The following PCDHGA2 variants were observed in gnomAD, a reference collection of about 807,000 sequenced individuals.
The protein encoded by PCDHGA2 is protocadherin gamma-A2.
A neutral mutation model predicts 59.2 loss-of-function variants in PCDHGA2; 40 were observed. That is an observed-to-expected ratio of 0.68 (90% CI 0.52 to 0.88). The LOEUF (loss-of-function observed/expected upper bound fraction) is 0.88. PCDHGA2 is among the 40% of genes least tolerant of loss of function. PCDHGA2 has a pLI of 0.00. For missense variants in PCDHGA2, 1,226 were observed against 1,204.0 expected (o/e 1.02, Z -0.27); for synonymous variants, 560 against 526.0 (o/e 1.06, Z -0.89).
Position 141,345,366 on chromosome 5 carries a change from A to G in PCDHGA2, c.2424+3971A>G, listed in dbSNP as rs771633069. The G allele has an allele frequency of 4.3e-6, 7 of 1,614,130 alleles. No individual in the cohort carries two copies. The East Asian group carries it at 1.6e-4, about 36-fold the overall frequency. On this transcript the variant is annotated intron_variant, in intron 1 of 3. Transcript: ENST00000394576. ...TCACATCACCCTGCATGTGATTGAC[A>G]TCAATGACAACCCACCCACCTTCCC...
chr5:141,413,517 G>A (rs1561743187), intron 1 of PCDHGA2: 1 of 1,613,946 alleles, frequency 6.2e-7, no homozygotes. Flanking sequence ...ATATCCTTGT[G>A]GAAGACAGGG....
At chr5:141,379,328 C>T (rs1775531814) in intron 1 of PCDHGA2, 1 of 152,184 alleles carries the variant, frequency 6.6e-6, no homozygotes, top group African/African-American at 2.4e-5. Flanking sequence ...TAATCATACA[C>T]ATCTTCAAAG....
At chr5:141,362,128 G>A (rs1359609195) in intron 1 of PCDHGA2, 1 of 1,613,900 alleles carries the variant, frequency 6.2e-7, no homozygotes, top group African/African-American at 1.3e-5. Context: ...CCTAATCTTC[G>A]CGGATAGCCT....
chr5:141,398,408 A>G (rs2093653088), intron 1 of PCDHGA2: 1 of 1,473,232 alleles, frequency 6.8e-7, no homozygotes, highest in African/African-American at 1.4e-5. Flanking sequence ...GACAGGGAGG[A>G]GATATGCGGG....
chr5:141,375,059 G>A lies in PCDHGA2; in HGVS notation c.2424+33664G>A. On this transcript the variant is annotated intron_variant, in intron 1 of 3. Transcript: ENST00000394576. ...GGGTGTTGAAGCCCGGGATGGGCCA[G>A]GTCTTCGAGACAGAGCGAAAGTCTT... The A allele has an allele frequency of 2.5e-6, 4 of 1,614,038 alleles. No individual in the cohort carries two copies. The Admixed American group carries it at 6.7e-5, about 27-fold the overall frequency.
At chr5:141,362,053 C>T in intron 1 of PCDHGA2, 4 of 1,611,724 alleles carry the variant, frequency 2.5e-6, no homozygotes, top group Non-Finnish European at 3.4e-6. Flanking sequence ...CGCGGCCCGC[C>T]AGCGCCTGCT....
intron 1 of PCDHGA2, chr5:141,423,721 T>C (rs2096769391): frequency 8.3e-7 from 1 of 1,208,140 alleles, no homozygotes; most frequent in East Asian, 3.8e-5. Flanking sequence ...TTTAAGGAGA[T>C]GTTTTTTGAG....
intron 1 of PCDHGA2, chr5:141,426,750 G>A (rs1287163824): frequency 2.2e-6 from 1 of 456,160 alleles, no homozygotes; most frequent in Non-Finnish European, 4.4e-6. Context: ...CCTGGAATCT[G>A]CTATAGATGC....
intron 1 of PCDHGA2, chr5:141,346,398 G>T: frequency 6.2e-7 from 1 of 1,614,242 alleles, no homozygotes; most frequent in Non-Finnish European, 8.5e-7. Flanking sequence ...TGAGAAAAGC[G>T]AGCCTCTTCT....
chr5:141,371,753 C>G, intron 1 of PCDHGA2: 1 of 1,614,050 alleles, frequency 6.2e-7, no homozygotes, highest in Non-Finnish European at 8.5e-7. Context: ...CCGTTTTCCA[C>G]CAGGCCTCCT....
At chr5:141,345,392 T>C in intron 1 of PCDHGA2, 2 of 1,614,008 alleles carry the variant, frequency 1.2e-6, no homozygotes, top group Non-Finnish European at 1.7e-6. Context: ...CCACCTTCCC[T>C]CATTTATCCT....
At chr5:141,382,873 C>G (rs1338163064) in intron 1 of PCDHGA2, 4 of 1,522,326 alleles carry the variant, frequency 2.6e-6, no homozygotes, top group Non-Finnish European at 3.5e-6. Context: ...CCGAGATCGG[C>G]GCCTAAGCAA....
chr5:141,340,285 T>G lies in PCDHGA2; in HGVS notation c.1314T>G (p.Ile438Met). ...CCTCCCTGTCCACGGATGCTCACAT[T>G]TTGCTCCAGGTGGCAGACATCAACG... ...GNPSLSTDAH[I>M]LLQVADINDN... The change falls in exon 1 of 4, where the codon ATT becomes ATG. Residue 438 changes from isoleucine (I) to methionine (M), a missense_variant. By Grantham distance (10) the Ile-to-Met change is conservative. Coordinates refer to ENST00000394576, the MANE Select transcript of PCDHGA2 (RefSeq NM_018915.4). 6.2e-7 allele frequency: 1 copy of G among 1,614,068 alleles called. No individual in the cohort carries two copies. The highest frequency in any genetic ancestry group is 1.1e-5 in the South Asian group (1 of 91,076).
chr5:141,490,910 A>G lies in PCDHGA2; in HGVS notation c.2425-3897A>G. The G allele has an allele frequency of 1.2e-6, 2 of 1,613,652 alleles. No individual in the cohort carries two copies. Among genetic ancestry groups the G allele is most frequent in the African/African-American group, 1.3e-5 (1 of 75,048 alleles). ...TCTCTGCATGTGTTTGTCCTAGACG[A>G]GAATGATAATGCCCCAGCTGTGCTG... On this transcript the variant is annotated intron_variant, in intron 1 of 3. Transcript: ENST00000394576. This position sits in a 1 kb window ranked among gnomAD's most constrained non-coding sequence, Gnocchi z 5.4.
Position 141,340,851 on chromosome 5 carries a change from G to T in PCDHGA2, c.1880G>T (p.Arg627Leu), listed in dbSNP as rs138760869. The T allele has an allele frequency of 4.3e-6, 7 of 1,613,484 alleles. No homozygotes were observed. The African/African-American group carries it at 8.0e-5, about 18-fold the overall frequency. Residue 627 changes from arginine to leucine, a missense_variant, in exon 1 of 4, where the codon CGC (arginine) becomes CTC (leucine). Arg to Leu is a moderately radical substitution (Grantham distance 102). Coordinates refer to ENST00000394576, the MANE Select transcript of PCDHGA2 (RefSeq NM_018915.4). ...FSVGLHTGEV[R>L]TARALLDRDA... is the part of the protein sequence containing the mutation. ...GTGGGTCTGCACACGGGCGAGGTGC[G>T]CACGGCGCGAGCCCTGCTGGACAGA... is the stretch of plus-strand genomic sequence containing the variant.
At chr5:141,420,259 G>A (rs775335307) in intron 1 of PCDHGA2, 8 of 1,564,678 alleles carry the variant, frequency 5.1e-6, no homozygotes, top group Non-Finnish European at 6.9e-6. Context: ...AAGCAGATAA[G>A]AAGATTCTTA....
chr5:141,395,646 C>T (rs1174950813), intron 1 of PCDHGA2: 2 of 167,832 alleles, frequency 1.2e-5, no homozygotes, highest in Non-Finnish European at 2.5e-5. Flanking sequence ...TTGTTATTAG[C>T]TTAGCAAAAG....
rs1180919465 is a variant in PCDHGA2 at position 141,410,681 on chromosome 5, G to A, written c.2424+69286G>A. On this transcript the variant is annotated intron_variant, in intron 1 of 3. Coordinates refer to ENST00000394576, the MANE Select transcript of PCDHGA2 (RefSeq NM_018915.4). ...AGTCTACTAGTTTCTCATATTTTAG[G>A]CATACTACTTTATTTTCATATCTAG... The A allele has an allele frequency of 3.9e-6, 6 of 1,535,084 alleles. No homozygotes were observed. The East Asian group carries it at 1.4e-4, about 35-fold the overall frequency.
intron 1 of PCDHGA2, chr5:141,398,776 G>A: frequency 6.2e-7 from 1 of 1,613,904 alleles, no homozygotes; most frequent in Non-Finnish European, 8.5e-7. Flanking sequence ...TGCCTTGGAC[G>A]GTGGACATCC....
Sources: allele counts gnomAD v4.1 joint callset, GRCh38; gene constraint gnomAD v4.1.1; non-coding constraint Gnocchi (gnomAD v3.1); transcripts MANE v1.5; gene names NCBI Gene and HGNC (gene_info 2026-07-23, HGNC 2026-07-21).